Variants in ADAM23 observed in about 807,000 individuals in gnomAD.
The protein encoded by ADAM23 is ADAM metallopeptidase domain 23.
In ADAM23, 33 loss-of-function variants were observed where a neutral mutation model predicts 120.1. The ratio of observed to expected loss-of-function variants is 0.27; its 90% CI spans 0.21 to 0.37. ADAM23 has a LOEUF of 0.37. Ranked by LOEUF, ADAM23 falls within the 10% of genes least tolerant of loss-of-function variation. The pLI is 1.00. For synonymous variants in ADAM23, 367 were observed against 375.2 expected (o/e 0.98, Z 0.25); for missense variants, 862 against 1,058.2 (o/e 0.81, Z 2.57).
chr2:206,546,600 C>CT lies in ADAM23; in HGVS notation c.721-827dup, dbSNP rs749887158. 2.6e-5 allele frequency among the ~76,000 whole-genome samples: 4 copies of CT among 152,132 alleles called. No individual in the cohort carries two copies. The South Asian group carries it at 8.3e-4, about 32-fold the overall frequency. On this transcript the variant is annotated intron_variant, in intron 6 of 25. Transcript: ENST00000264377. ...CCATTATCCTGTCCCCCAAAGATAACTTCTTGTCATGTTTCAGAATATGTT... is the reference window on the plus strand; with the variant it reads ...CCATTATCCTGTCCCCCAAAGATAACTTTCTTGTCATGTTTCAGAATATGTT...
chr2:206,567,710 T>C (rs1162355695), intron 15 of ADAM23, among the ~76,000 whole-genome samples: 1 of 152,222 alleles, frequency 6.6e-6, no homozygotes, highest in East Asian at 1.9e-4. Flanking sequence ...CATTTCTCCT[T>C]GACATTCTTT....
intron 3 of ADAM23, among the ~76,000 whole-genome samples, chr2:206,527,235 G>A (rs537462480): frequency 4.6e-5 from 7 of 152,322 alleles, no homozygotes; most frequent in Admixed American, 1.3e-4. Context: ...ATTTGGGTCC[G>A]CAATTGCTAA....
At chr2:206,481,102 G>A (rs3213811) in intron 2 of ADAM23, 130 bp from the exon 3 acceptor site, 166,998 of 576,328 alleles carry the variant, frequency 0.29, 24,947 homozygotes, top group Middle Eastern at 0.31. Flanking sequence ...GAAATGAATT[G>A]CTATATGATG....
intron 14 of ADAM23, among the ~76,000 whole-genome samples, chr2:206,566,081 A>G (rs1028204269): frequency 4.6e-5 from 7 of 151,894 alleles, no homozygotes; most frequent in Non-Finnish European, 8.8e-5. Flanking sequence ...GAGGACTACT[A>G]TAAGAAGATA....
intron 21 of ADAM23, among the ~76,000 whole-genome samples, 183 bp downstream of exon 21, chr2:206,589,697 T>A (rs1698389600): frequency 6.6e-6 from 1 of 152,216 alleles, no homozygotes; most frequent in Admixed American, 6.5e-5. Context: ...ATTAAACTGT[T>A]ACTATGCTAC....
chr2:206,587,417 T>C (rs774106450), intron 19 of ADAM23, 42 bp downstream of exon 19: 77 of 1,434,328 alleles, frequency 5.4e-5, no homozygotes, highest in Middle Eastern at 1.8e-4. Flanking sequence ...TAAAAAGGAT[T>C]CATTGGAAAG....
intron 14 of ADAM23, among the ~76,000 whole-genome samples, chr2:206,566,448 G>A (rs2105826898): frequency 6.7e-6 from 1 of 149,742 alleles, no homozygotes; most frequent in East Asian, 1.9e-4. Flanking sequence ...CTGTATTCCT[G>A]AGGAATAGGT....
At chr2:206,541,603 A>T (rs949805603) in intron 4 of ADAM23, among the ~76,000 whole-genome samples, 10 of 152,312 alleles carry the variant, frequency 6.6e-5, no homozygotes, top group African/African-American at 2.2e-4. Context: ...AACTACATTC[A>T]TATATTGCTT....
At chr2:206,561,053 G>T in intron 11 of ADAM23, 75 bp from the exon 12 acceptor site, 1 of 1,284,940 alleles carries the variant, frequency 7.8e-7, no homozygotes, top group South Asian at 1.2e-5. Flanking sequence ...CATGTAGGAG[G>T]GTAGACATAT....
rs753678278 is a variant in ADAM23, at chr2:206,444,034, C to T, written c.168C>T (p.Leu56=). The T allele has an allele frequency of 5.7e-6, 8 of 1,410,988 alleles. No individual in the cohort carries two copies. The South Asian group carries it at 1.0e-4, about 18-fold the overall frequency. 87.4% of individuals were successfully genotyped at this position (1,410,988 alleles called of 1,614,324 possible). A position where few individuals can be genotyped will look rare whatever the true frequency, so the allele number is the denominator to read the frequency against. ...TCGTCCTTCTCCTGCTGCCTCCGCTCGCCGCCTCGTCCCGGCCCCGCGCCT... is the reference window on the plus strand; with the variant it reads ...TCGTCCTTCTCCTGCTGCCTCCGCTTGCCGCCTCGTCCCGGCCCCGCGCCT... ...LLLVLLLLPP[L]AASSRPRAWG... The change falls in exon 1 of 26, where the codon CTC becomes CTT. Residue 56 remains leucine, a synonymous_variant. Transcript: ENST00000264377.
intron 2 of ADAM23, among the ~76,000 whole-genome samples, chr2:206,458,571 A>G (rs1217399368): frequency 5.9e-5 from 9 of 152,226 alleles, no homozygotes; most frequent in Non-Finnish European, 1.3e-4. Flanking sequence ...GAAGTTTTCC[A>G]TAAACCTTTG....
At chr2:206,490,122 T>A (rs1437243883) in intron 3 of ADAM23, among the ~76,000 whole-genome samples, 1 of 152,108 alleles carries the variant, frequency 6.6e-6, no homozygotes, top group Admixed American at 6.5e-5. Context: ...AAGAGAAAGT[T>A]TGGACACAGA....
At chr2:206,533,468 G>T (rs568553104) in intron 4 of ADAM23, among the ~76,000 whole-genome samples, 1 of 152,324 alleles carries the variant, frequency 6.6e-6, no homozygotes, top group South Asian at 2.1e-4. Flanking sequence ...CTCCCAAAGT[G>T]CTGGGATTAT....
chr2:206,579,277 T>G, intron 18 of ADAM23, among the ~76,000 whole-genome samples: 1 of 152,214 alleles, frequency 6.6e-6, no homozygotes, highest in East Asian at 1.9e-4. Flanking sequence ...TTGCATTTCC[T>G]TTTGGGTTCT....
chr2:206,574,116 G>A (rs571362364), intron 18 of ADAM23, among the ~76,000 whole-genome samples: 6 of 152,180 alleles, frequency 3.9e-5, no homozygotes, highest in East Asian at 1.9e-4. Flanking sequence ...CACAAAGCCC[G>A]TCACACACTT....
At position 206,570,759 on chromosome 2, in the gene ADAM23, G is replaced by A. The variant is rs780990847; in HGVS notation, c.1514G>A (p.Cys505Tyr). The change falls in exon 16 of 26, where the codon TGT becomes TAT. Residue 505 changes from cysteine to tyrosine, a missense_variant. Cys to Tyr is a radical substitution (Grantham distance 194). This residue lies in a region of ADAM23 where 617 missense variants were observed against 813.5 expected (regional missense o/e 0.76). Transcript: ENST00000264377. ...RPTKLFEPTE[C>Y]GNGYVEAGEE... ...CTTTAGCTATTTGAGCCCACGGAATGTGGAAATGGATACGTGGAAGCTGGG... is the reference window on the plus strand; with the variant it reads ...CTTTAGCTATTTGAGCCCACGGAATATGGAAATGGATACGTGGAAGCTGGG... The A allele has an allele frequency of 2.5e-6, 4 of 1,613,970 alleles. No individual in the cohort carries two copies. Among genetic ancestry groups the A allele is most frequent in the Non-Finnish European group, 3.4e-6 (4 of 1,179,860 alleles).
intron 3 of ADAM23, among the ~76,000 whole-genome samples, chr2:206,487,462 A>G (rs796815307): frequency 7.9e-5 from 12 of 152,352 alleles, no homozygotes; most frequent in African/African-American, 2.6e-4. Context: ...GGGAATTCAG[A>G]TAACATACTT....
chr2:206,508,141 T>A (rs994950881), intron 3 of ADAM23, among the ~76,000 whole-genome samples: 5 of 152,152 alleles, frequency 3.3e-5, no homozygotes, highest in African/African-American at 9.6e-5. Context: ...GCCATTCTCC[T>A]GCCTCAGCCT....
At chr2:206,607,882 G>GTT (rs5838036) in intron 24 of ADAM23, 9,030 of 349,116 alleles carry the variant, frequency 0.026, no homozygotes, top group South Asian at 0.034. Context: ...TCCATGGACA[G>GTT]TTTTTTTTTT....
Sources: allele counts gnomAD v4.1 joint callset (sites outside exome capture counted in the v4.1 genomes callset), GRCh38; gene constraint gnomAD v4.1.1; regional missense constraint gnomAD v4.1.1; transcripts MANE v1.5; gene names NCBI Gene and HGNC (gene_info 2026-07-23, HGNC 2026-07-21).